Variants in NOVA1 observed in about 807,000 individuals in gnomAD.
NOVA1 encodes NOVA alternative splicing regulator 1.
NOVA1 carries 7 observed loss-of-function variants against 38.0 expected under a neutral mutation model. The ratio of observed to expected loss-of-function variants is 0.18; its 90% CI spans 0.10 to 0.35. NOVA1 has a LOEUF of 0.35. NOVA1 is among the 10% of genes least tolerant of loss of function. The pLI is 1.00. For synonymous variants in NOVA1, 270 were observed against 232.5 expected (o/e 1.16, Z -1.47); for missense variants, 460 against 616.0 (o/e 0.75, Z 2.68).
intron 2 of NOVA1, among the ~76,000 whole-genome samples, chr14:26,504,864 G>T (rs531402647): frequency 9.2e-5 from 14 of 152,170 alleles, no homozygotes; most frequent in Non-Finnish European, 1.9e-4. Flanking sequence ...TCTAGAGGAA[G>T]AGATAGGGTG....
In NOVA1 at chr14:26,448,877, C is replaced by A; in HGVS notation, c.606G>T (p.Gly202=). 6.2e-7 allele frequency: 1 copy of A among 1,614,084 alleles called. No homozygotes were observed. Among genetic ancestry groups the A allele is most frequent in the Non-Finnish European group, 8.5e-7 (1 of 1,180,012 alleles). The part of the protein sequence containing the change: ...ATVKAVMEQS[G]AWVQLSQKPD... ...GTTTCTGGGAAAGCTGCACCCAAGC[C>A]CCTGACTGCTCCATTACAGCCTTCA... Residue 202 remains glycine (G), a synonymous_variant, in exon 5 of 5, where the codon GGG becomes GGT. Coordinates refer to ENST00000539517, the MANE Select transcript of NOVA1 (RefSeq NM_002515.3). This position sits in a 1 kb window ranked among gnomAD's most constrained non-coding sequence, Gnocchi z 5.3.
chr14:26,576,787 T>C (rs1285535853), intron 2 of NOVA1, among the ~76,000 whole-genome samples: 2 of 151,944 alleles, frequency 1.3e-5, no homozygotes, highest in Admixed American at 1.3e-4. Context: ...ACATGATGTT[T>C]TGATACGCAT....
At chr14:26,566,049 T>C (rs964720231) in intron 2 of NOVA1, among the ~76,000 whole-genome samples, 2 of 152,170 alleles carry the variant, frequency 1.3e-5, no homozygotes, top group Non-Finnish European at 2.9e-5. Flanking sequence ...ACTAAAATTA[T>C]ATGAATGATG....
chr14:26,561,718 G>A (rs186925298), intron 2 of NOVA1, among the ~76,000 whole-genome samples: 5 of 152,084 alleles, frequency 3.3e-5, no homozygotes, highest in Admixed American at 3.3e-4. Flanking sequence ...TCAAGTATTT[G>A]GCTAGAATGT....
intron 4 of NOVA1, among the ~76,000 whole-genome samples, chr14:26,465,702 A>G (rs1050840767): frequency 1.5e-4 from 23 of 151,628 alleles, no homozygotes; most frequent in African/African-American, 5.3e-4. Context: ...ATTGTAAAAA[A>G]AAAGAATTTT....
At chr14:26,459,394 C>A (rs1414604735) in intron 4 of NOVA1, among the ~76,000 whole-genome samples, 1 of 151,950 alleles carries the variant, frequency 6.6e-6, no homozygotes, top group Non-Finnish European at 1.5e-5. Flanking sequence ...TAGGTTACAC[C>A]AAGGGCCTAG....
chr14:26,587,793 A>T (rs188294278), intron 2 of NOVA1, among the ~76,000 whole-genome samples: 112 of 151,040 alleles, frequency 7.4e-4, no homozygotes, highest in East Asian at 4.3e-3. Context: ...GTTTTTTTTT[A>T]AAATAGTAGG....
At chr14:26,579,081 C>G (rs546095997) in intron 2 of NOVA1, among the ~76,000 whole-genome samples, 2 of 77,640 alleles carry the variant, frequency 2.6e-5, no homozygotes, top group East Asian at 8.7e-4. Flanking sequence ...TTTTTTGAGA[C>G]AGAGTCTCAC....
At chr14:26,495,831 A>C (rs1169251727) in intron 2 of NOVA1, among the ~76,000 whole-genome samples, 2 of 135,462 alleles carry the variant, frequency 1.5e-5, no homozygotes, top group East Asian at 2.1e-4. Context: ...TGAACTCATC[A>C]TTTTTTATGG....
intron 2 of NOVA1, among the ~76,000 whole-genome samples, chr14:26,512,842 GTA>G (rs1888201520): frequency 6.6e-6 from 1 of 151,950 alleles, no homozygotes; most frequent in East Asian, 1.9e-4. Flanking sequence ...ATCATAAGAG[GTA>G]ATCAATACAT....
intron 2 of NOVA1, among the ~76,000 whole-genome samples, chr14:26,480,629 T>C (rs1885383853): frequency 6.6e-6 from 1 of 152,134 alleles, no homozygotes; most frequent in South Asian, 2.1e-4. Flanking sequence ...CGCTCTTCCT[T>C]TAATCATAGC....
intron 2 of NOVA1, among the ~76,000 whole-genome samples, chr14:26,581,924 CA>C (rs1893252642): frequency 6.6e-6 from 1 of 151,792 alleles, no homozygotes; most frequent in Admixed American, 6.6e-5. Flanking sequence ...AAAATGAAGA[CA>C]AAAACTTCTA....
At position 26,444,094 on chromosome 14, in the gene NOVA1, T is replaced by C. The variant is rs1881888525; in HGVS notation, c.*3865A>G. 6.6e-6 allele frequency: 1 copy of C among 152,072 alleles called. No individual in the cohort carries two copies. Among genetic ancestry groups the C allele is most frequent in the East Asian group, 1.9e-4 (1 of 5,190 alleles). 9.4% of individuals were successfully genotyped at this position (152,072 alleles called of 1,614,324 possible). A position where few individuals can be genotyped will look rare whatever the true frequency, so the allele number is the denominator to read the frequency against. On this transcript the variant is annotated 3_prime_UTR_variant, in exon 5 of 5. Coordinates refer to ENST00000539517, the MANE Select transcript of NOVA1 (RefSeq NM_002515.3). ...TCAAGACTGAAATATAAGAATGGAT[T>C]AAAAGGAATATGATTATCAGTACCT...
At chr14:26,584,852 TA>T (rs1893425179) in intron 2 of NOVA1, among the ~76,000 whole-genome samples, 1 of 151,442 alleles carries the variant, frequency 6.6e-6, no homozygotes, top group African/African-American at 2.4e-5. Context: ...AATTCTCCAT[TA>T]TACAGTTATC....
At chr14:26,472,459 CAAAAT>C (rs940624525) in intron 3 of NOVA1, 68 bp from the exon 4 acceptor site, 111 of 636,348 alleles carry the variant, frequency 1.7e-4, no homozygotes, top group Non-Finnish European at 2.5e-4. Context: ...TTAAATAAAA[CAAAAT>C]AAAATAAAAT....
chr14:26,530,870 A>T (rs1474951686), intron 2 of NOVA1, among the ~76,000 whole-genome samples: 1 of 152,210 alleles, frequency 6.6e-6, no homozygotes, highest in Admixed American at 6.5e-5. Flanking sequence ...CAAGGCAAGA[A>T]TCCTAAATAT....
chr14:26,569,694 A>C (rs1892352909), intron 2 of NOVA1, among the ~76,000 whole-genome samples: 4 of 152,224 alleles, frequency 2.6e-5, no homozygotes, highest in Admixed American at 2.0e-4. Flanking sequence ...TCAAAGAAGC[A>C]AAAGTGGCCC....
chr14:26,506,088 A>G (rs951488516), intron 2 of NOVA1, among the ~76,000 whole-genome samples: 41 of 152,212 alleles, frequency 2.7e-4, no homozygotes, highest in Non-Finnish European at 5.1e-4. Flanking sequence ...TAGCACCATC[A>G]GTTAAAAATA....
chr14:26,491,651 CCA>C lies in NOVA1; in HGVS notation c.281-11510_281-11509del, dbSNP rs1321091747. Among the ~76,000 whole-genome samples the C allele has an allele frequency of 1.1e-4, 16 of 152,194 alleles. No homozygotes were observed. The East Asian group carries it at 2.9e-3, about 28-fold the overall frequency. On this transcript the variant is annotated intron_variant, in intron 2 of 4. Transcript: ENST00000539517. ...ATATGATATGAGGAGGGTTCTAACT[CCA>C]CTCTTGCATGTGGAAATCCAGGTGT...
Sources: gnomAD v4.1 joint callset for allele counts (sites outside exome capture counted in the v4.1 genomes callset) on GRCh38, gnomAD v4.1.1 for gene constraint, Gnocchi (gnomAD v3.1) non-coding constraint, MANE v1.5 for transcripts, NCBI Gene and HGNC (gene_info 2026-07-23, HGNC 2026-07-21) for gene names.